MAML2: variants seen among roughly 807,000 people sequenced by gnomAD.
The protein encoded by MAML2 is mastermind-like protein 2.
MAML2 carries 22 observed loss-of-function variants against 96.1 expected under a neutral mutation model. The ratio of observed to expected loss-of-function variants is 0.23; its 90% CI spans 0.16 to 0.33. The LOEUF is 0.33. Ranked by LOEUF, MAML2 falls within the 10% of genes least tolerant of loss-of-function variation. The pLI, the probability that MAML2 is intolerant of heterozygous loss-of-function variation, is 1.00. For missense variants in MAML2, 1,367 were observed against 1,392.4 expected, an observed-to-expected ratio of 0.98 and a Z score of 0.29; for synonymous variants, 561 against 521.3, an observed-to-expected ratio of 1.08 and a Z score of -1.04.
At chr11:96,084,467 A>T (rs913429340) in intron 2 of MAML2, among the ~76,000 whole-genome samples, 2 of 152,130 alleles carry the variant, frequency 1.3e-5, no homozygotes, top group Non-Finnish European at 2.9e-5. Context: ...GTCCATCCAG[A>T]GACTGGGGGA....
chr11:96,064,878 G>T (rs957220113), intron 2 of MAML2, among the ~76,000 whole-genome samples: 2 of 152,004 alleles, frequency 1.3e-5, no homozygotes, highest in East Asian at 3.8e-4. Context: ...ATTTTTTCTC[G>T]CTTTTCATAT....
At chr11:96,335,984 C>G (rs1863915598) in intron 1 of MAML2, among the ~76,000 whole-genome samples, 4 of 152,192 alleles carry the variant, frequency 2.6e-5, no homozygotes, top group African/African-American at 9.7e-5. Context: ...TTGAATCTCT[C>G]TACTACCAAC....
intron 1 of MAML2, among the ~76,000 whole-genome samples, chr11:96,134,262 C>T (rs1860592045): frequency 2.6e-5 from 4 of 152,196 alleles, no homozygotes. Flanking sequence ...TACTTGTTTA[C>T]TGTGTTTCTC....
At chr11:96,014,788 G>C (rs1039306059) in intron 2 of MAML2, among the ~76,000 whole-genome samples, 1 of 152,178 alleles carries the variant, frequency 6.6e-6, no homozygotes, top group Non-Finnish European at 1.5e-5. Flanking sequence ...TCAATTACAA[G>C]TTAAAGGACT....
chr11:96,143,466 C>T (rs1860766608), intron 1 of MAML2, among the ~76,000 whole-genome samples: 1 of 152,114 alleles, frequency 6.6e-6, no homozygotes, highest in African/African-American at 2.4e-5. Context: ...TTATTCAAAA[C>T]AATGTCTAGT....
intron 1 of MAML2, among the ~76,000 whole-genome samples, chr11:96,316,109 C>A (rs1456045034): frequency 6.6e-6 from 1 of 152,130 alleles, no homozygotes; most frequent in Non-Finnish European, 1.5e-5. Flanking sequence ...CTTGTAATAT[C>A]CTTCCACTTA....
At chr11:96,219,029 A>G (rs1256544644) in intron 1 of MAML2, among the ~76,000 whole-genome samples, 1 of 152,218 alleles carries the variant, frequency 6.6e-6, no homozygotes, top group Admixed American at 6.5e-5. Context: ...GGTATGTGCA[A>G]AAGTGGAGAC....
chr11:96,168,580 GA>G (rs1861229975), intron 1 of MAML2, among the ~76,000 whole-genome samples: 1 of 152,148 alleles, frequency 6.6e-6, no homozygotes, highest in Non-Finnish European at 1.5e-5. Flanking sequence ...CATTTCTAAT[GA>G]GCCCCCTGTG....
chr11:96,150,912 A>T (rs1301875188), intron 1 of MAML2, among the ~76,000 whole-genome samples: 1 of 152,122 alleles, frequency 6.6e-6, no homozygotes, highest in African/African-American at 2.4e-5. Flanking sequence ...CATCAGCATC[A>T]CCTGGGAACT....
chr11:96,035,689 T>A (rs1858700331), intron 2 of MAML2, among the ~76,000 whole-genome samples: 2 of 152,208 alleles, frequency 1.3e-5, no homozygotes, highest in Non-Finnish European at 2.9e-5. Context: ...TTTTTTGGTA[T>A]TCTCCCAACA....
At chr11:96,159,458 G>A (rs563214922) in intron 1 of MAML2, among the ~76,000 whole-genome samples, 3 of 120,340 alleles carry the variant, frequency 2.5e-5, no homozygotes, top group East Asian at 5.5e-4. Flanking sequence ...TGTCACCCAG[G>A]CTGGAGTGCA....
At chr11:96,320,593 T>C (rs1316249688) in intron 1 of MAML2, among the ~76,000 whole-genome samples, 1 of 152,228 alleles carries the variant, frequency 6.6e-6, no homozygotes, top group East Asian at 1.9e-4. Context: ...TCTGCTGGTA[T>C]AGAGGCATTC....
intron 2 of MAML2, among the ~76,000 whole-genome samples, chr11:96,075,434 T>C (rs1456042735): frequency 6.6e-6 from 1 of 152,210 alleles, no homozygotes; most frequent in Non-Finnish European, 1.5e-5. Flanking sequence ...ATGGTGTCTA[T>C]TATTATCTGT....
intron 2 of MAML2, among the ~76,000 whole-genome samples, chr11:96,062,345 A>G (rs1859174818): frequency 6.6e-6 from 1 of 152,234 alleles, no homozygotes; most frequent in South Asian, 2.1e-4. Flanking sequence ...ATAAGCATGT[A>G]GACACTGCAG....
intron 1 of MAML2, among the ~76,000 whole-genome samples, chr11:96,192,436 G>A (rs1861667421): frequency 6.6e-6 from 1 of 152,124 alleles, no homozygotes; most frequent in Non-Finnish European, 1.5e-5. Context: ...GCTAGGTCAG[G>A]AGTTAATATC....
intron 1 of MAML2, among the ~76,000 whole-genome samples, chr11:96,173,671 G>A (rs1250183713): frequency 6.6e-6 from 1 of 152,202 alleles, no homozygotes; most frequent in African/African-American, 2.4e-5. Context: ...AGAATTTCAG[G>A]AAGCAAGGAA....
At chr11:96,315,873 A>G (rs1019798939) in intron 1 of MAML2, among the ~76,000 whole-genome samples, 1 of 152,234 alleles carries the variant, frequency 6.6e-6, no homozygotes, top group Non-Finnish European at 1.5e-5. Context: ...ATGCAACTTC[A>G]CAACTAATTT....
chr11:96,223,963 T>TA (rs1862176870), intron 1 of MAML2, among the ~76,000 whole-genome samples: 1 of 152,236 alleles, frequency 6.6e-6, no homozygotes. Context: ...AATCTATGTG[T>TA]ATGATTTAAT....
At chr11:96,015,455 T>G (rs1320076455) in intron 2 of MAML2, among the ~76,000 whole-genome samples, 1 of 151,876 alleles carries the variant, frequency 6.6e-6, no homozygotes, top group Non-Finnish European at 1.5e-5. Context: ...TCCAGCTGGT[T>G]GACCATTATG....
Sources: allele counts gnomAD v4.1 joint callset (sites outside exome capture counted in the v4.1 genomes callset), GRCh38; gene constraint gnomAD v4.1.1; transcripts MANE v1.5; gene names NCBI Gene and HGNC (gene_info 2026-07-23, HGNC 2026-07-21).